The following CNTLN variants were observed in gnomAD, a reference collection of about 807,000 sequenced individuals.
The protein encoded by CNTLN is centlein, also known as centlein, centrosomal protein.
In CNTLN, 212 loss-of-function variants were observed where a neutral mutation model predicts 180.0. That is an observed-to-expected ratio of 1.18 (90% CI 1.05 to 1.32). The LOEUF (loss-of-function observed/expected upper bound fraction) is 1.32, where lower values mean the gene tolerates loss of function less well. Among genes scored for constraint, CNTLN ranks in the 40% most tolerant of loss-of-function variants. CNTLN has a pLI of 0.00. For synonymous variants in CNTLN, 722 were observed against 563.1 expected, an observed-to-expected ratio of 1.28 and a Z score of -3.99; for missense variants, 2,095 against 1,610.9, an observed-to-expected ratio of 1.30 and a Z score of -5.14.
At position 17,351,599 on chromosome 9, in the gene CNTLN, C is replaced by T. The variant is rs1293474660; in HGVS notation, c.1886+9155C>T. 3.3e-5 allele frequency among the ~76,000 whole-genome samples: 5 copies of T among 152,090 alleles called. No homozygotes were observed. In the East Asian group the frequency reaches 9.6e-4, roughly 29 times the overall value. ...TCCCCTCATTGAAGTCCATACTAAGCCTTAATATTTCACATCACAAACATC... is the reference window on the plus strand; with the variant it reads ...TCCCCTCATTGAAGTCCATACTAAGTCTTAATATTTCACATCACAAACATC... On this transcript the variant is annotated intron_variant, in intron 12 of 25. Coordinates refer to ENST00000380647, the MANE Select transcript of CNTLN (RefSeq NM_017738.4).
intron 13 of CNTLN, among the ~76,000 whole-genome samples, chr9:17,383,345 C>G (rs1399952095): frequency 4.0e-5 from 6 of 151,466 alleles, no homozygotes; most frequent in African/African-American, 1.5e-4. Context: ...CCTGGGCAAC[C>G]CTGTCTCTAC....
intron 18 of CNTLN, among the ~76,000 whole-genome samples, chr9:17,444,705 C>G (rs1458871174): frequency 1.3e-5 from 2 of 152,188 alleles, no homozygotes; most frequent in East Asian, 3.9e-4. Context: ...TGTAGCATAA[C>G]TGCCTGAGAG....
chr9:17,494,543 C>A (rs890963712), intron 25 of CNTLN, among the ~76,000 whole-genome samples: 2 of 152,024 alleles, frequency 1.3e-5, no homozygotes, highest in Non-Finnish European at 2.9e-5. Flanking sequence ...GTCAAATAGG[C>A]CCCAGGGTCT....
intron 2 of CNTLN, among the ~76,000 whole-genome samples, chr9:17,220,874 C>G (rs1189537544): frequency 6.6e-6 from 1 of 152,038 alleles, no homozygotes; most frequent in South Asian, 2.1e-4. Context: ...GATTCCATGT[C>G]TTTGCTATTG....
At chr9:17,513,636 G>A in the CNTLN span, among the ~76,000 whole-genome samples, 1 of 152,048 alleles carries the variant, frequency 6.6e-6, no homozygotes, top group African/African-American at 2.4e-5. Flanking sequence ...GGTTGAGGCT[G>A]CAGTGAGCTG....
intron 12 of CNTLN, among the ~76,000 whole-genome samples, chr9:17,363,250 G>A (rs1823547629): frequency 6.6e-6 from 1 of 152,164 alleles, no homozygotes; most frequent in Non-Finnish European, 1.5e-5. Flanking sequence ...TAATGGGATT[G>A]CTGGGTCAAA....
intron 5 of CNTLN, among the ~76,000 whole-genome samples, chr9:17,239,145 TCTC>T (rs1216969475): frequency 1.8e-4 from 27 of 152,230 alleles, no homozygotes; most frequent in Middle Eastern, 3.4e-3. Flanking sequence ...TTCAAGCTAT[TCTC>T]CTCCCGAGAA....
chr9:17,318,172 C>A (rs1203712977), intron 8 of CNTLN, among the ~76,000 whole-genome samples: 2 of 151,860 alleles, frequency 1.3e-5, no homozygotes, highest in East Asian at 3.9e-4. Flanking sequence ...GGACTACAGG[C>A]GCCCACCACC....
chr9:17,342,020 G>A (rs530748045), intron 11 of CNTLN, among the ~76,000 whole-genome samples: 16 of 152,020 alleles, frequency 1.1e-4, no homozygotes, highest in Non-Finnish European at 2.1e-4. Context: ...TGTATGCGGG[G>A]GGGACCGTTA....
intron 8 of CNTLN, among the ~76,000 whole-genome samples, chr9:17,314,931 A>AATGAAAATGATTAAGTTCT (rs1234087465): frequency 6.6e-6 from 1 of 152,202 alleles, no homozygotes; most frequent in Non-Finnish European, 1.5e-5. Flanking sequence ...TTTTCTATAC[A>AATGAAAATGATTAAGTTCT]ATGCAGTGAA....
intron 8 of CNTLN, among the ~76,000 whole-genome samples, chr9:17,312,846 T>C (rs1819297717): frequency 1.3e-5 from 2 of 152,208 alleles, no homozygotes; most frequent in African/African-American, 4.8e-5. Flanking sequence ...GTCATTGCAC[T>C]TGATAGTATT....
chr9:17,370,373 CTT>C (rs1824214287), intron 13 of CNTLN, among the ~76,000 whole-genome samples: 1 of 152,128 alleles, frequency 6.6e-6, no homozygotes, highest in Non-Finnish European at 1.5e-5. Flanking sequence ...TCAGTGGAAA[CTT>C]TACAGGCTAG....
intron 6 of CNTLN, among the ~76,000 whole-genome samples, chr9:17,291,182 G>A (rs1161081896): frequency 2.0e-5 from 3 of 152,124 alleles, no homozygotes; most frequent in Non-Finnish European, 1.5e-5. Context: ...TATGATTTCA[G>A]TTCTTTTGTA....
At chr9:17,143,886 ACTG>A (rs1418697929) in intron 2 of CNTLN, among the ~76,000 whole-genome samples, 1 of 152,168 alleles carries the variant, frequency 6.6e-6, no homozygotes, top group African/African-American at 2.4e-5. Context: ...CAGTCATTTA[ACTG>A]TAGATTGTTG....
intron 5 of CNTLN, among the ~76,000 whole-genome samples, chr9:17,264,630 T>C (rs1827266826): frequency 6.6e-6 from 1 of 152,238 alleles, no homozygotes; most frequent in African/African-American, 2.4e-5. Context: ...TAAATTACCT[T>C]GGGCAGTATG....
At chr9:17,399,668 G>A (rs1826816284) in intron 15 of CNTLN, among the ~76,000 whole-genome samples, 1 of 152,104 alleles carries the variant, frequency 6.6e-6, no homozygotes, top group African/African-American at 2.4e-5. Context: ...AACAACTGAT[G>A]GGGTTCAGGA....
At chr9:17,340,585 G>C (rs1359399055) in intron 10 of CNTLN, among the ~76,000 whole-genome samples, 2 of 152,052 alleles carry the variant, frequency 1.3e-5, no homozygotes, top group Non-Finnish European at 2.9e-5. Context: ...CTATCTTAAT[G>C]GTAAAATTTT....
At position 17,148,623 on chromosome 9, in the gene CNTLN, A is replaced by G. The variant is rs77127209; in HGVS notation, c.449+5247A>G. ...ATCATTTGAAGGACTGAAGTCATCAAAAACAAGCACCAAAATGTGACAAAT... is the reference window on the plus strand; with the variant it reads ...ATCATTTGAAGGACTGAAGTCATCAGAAACAAGCACCAAAATGTGACAAAT... On this transcript the variant is annotated intron_variant, in intron 2 of 25. Coordinates refer to ENST00000380647, the MANE Select transcript of CNTLN (RefSeq NM_017738.4). 5.2e-3 allele frequency among the ~76,000 whole-genome samples: 794 copies of G among 152,314 alleles called. 5 individuals carry two copies. Among genetic ancestry groups the G allele is most frequent in the African/African-American group, 0.018 (764 of 41,556 alleles).
chr9:17,194,111 T>G (rs1821968209), intron 2 of CNTLN, among the ~76,000 whole-genome samples: 1 of 152,050 alleles, frequency 6.6e-6, no homozygotes, highest in Non-Finnish European at 1.5e-5. Flanking sequence ...CACAAAACCA[T>G]TTTCTCCTAG....
Sources: allele counts gnomAD v4.1 joint callset (sites outside exome capture counted in the v4.1 genomes callset), GRCh38; gene constraint gnomAD v4.1.1; transcripts MANE v1.5; gene names NCBI Gene and HGNC (gene_info 2026-07-23, HGNC 2026-07-21).